The following ZCCHC14 variants were observed in gnomAD, a reference collection of about 807,000 sequenced individuals.
The protein encoded by ZCCHC14 is zinc finger CCHC-type containing 14.
A neutral mutation model predicts 85.0 loss-of-function variants in ZCCHC14; 16 were observed. That is an observed-to-expected ratio of 0.19 (90% confidence interval 0.13 to 0.29). The LOEUF is 0.29. Ranked by LOEUF, ZCCHC14 falls within the 10% of genes least tolerant of loss-of-function variation. The pLI is 1.00. For synonymous variants in ZCCHC14, 775 were observed against 630.7 expected (o/e 1.23, Z -3.43); for missense variants, 1,303 against 1,443.5 (o/e 0.90, Z 1.58).
Position 87,492,293 on chromosome 16 carries a change from G to C in ZCCHC14, c.-55C>G, listed in dbSNP as rs917240350. 7.5e-6 allele frequency: 7 copies of C among 934,148 alleles called. No individual in the cohort carries two copies. The highest frequency in any genetic ancestry group is 5.5e-4 in the Middle Eastern group (1 of 1,814). The allele number at this position is 934,148 out of a possible 1,614,324, so 57.9% of individuals were successfully genotyped here. A position where few individuals can be genotyped will look rare whatever the true frequency, so the allele number is the denominator to read the frequency against. On this transcript the variant is annotated 5_prime_UTR_variant, in exon 1 of 13. Coordinates refer to ENST00000671377, the MANE Select transcript of ZCCHC14 (RefSeq NM_015144.3). The surrounding 1 kb of genome is among the most constrained non-coding windows in gnomAD (Gnocchi z 6.7). ...GGCCGGGGACCGCGCGGGGGCGGCC[G>C]GGGGGCGCCGGGGGCCGCGGCCGGG...
At chr16:87,444,491 T>G (rs931882602) in intron 2 of ZCCHC14, among the ~76,000 whole-genome samples, 5 of 152,180 alleles carry the variant, frequency 3.3e-5, no homozygotes, top group African/African-American at 1.2e-4. Flanking sequence ...ACTATTTATC[T>G]AGTTAGAAAG....
intron 1 of ZCCHC14, among the ~76,000 whole-genome samples, chr16:87,461,845 C>A (rs1911274743): frequency 6.6e-6 from 1 of 152,248 alleles, no homozygotes; most frequent in Non-Finnish European, 1.5e-5. Flanking sequence ...ATGCCCCTGC[C>A]CCCCAGCAAG....
chr16:87,423,991 T>G, intron 3 of ZCCHC14, 110 bp from the exon 4 acceptor site: 1 of 1,154,820 alleles, frequency 8.7e-7, no homozygotes, highest in East Asian at 2.6e-5. Flanking sequence ...CTGAGCCCAG[T>G]GGGCCGTGCA....
At chr16:87,430,992 T>C (rs967122443) in intron 3 of ZCCHC14, among the ~76,000 whole-genome samples, 3 of 151,556 alleles carry the variant, frequency 2.0e-5, no homozygotes, top group African/African-American at 7.3e-5. Flanking sequence ...TACAAAAAAT[T>C]AGCTGGGTAT....
rs1034094541 is a variant in ZCCHC14, at chr16:87,426,251, G to A, written c.769-2370C>T. 2.6e-5 allele frequency among the ~76,000 whole-genome samples: 4 copies of A among 152,224 alleles called. No homozygotes were observed. The East Asian group carries it at 7.7e-4, about 29-fold the overall frequency. On this transcript the variant is annotated intron_variant, in intron 3 of 12. Coordinates refer to ENST00000671377, the MANE Select transcript of ZCCHC14 (RefSeq NM_015144.3). ...GGGGAACCGGCCGTTAGAGGGGCATGGGGGCGGGAAGAGCATCCTCTTGTC... is the reference window on the plus strand; with the variant it reads ...GGGGAACCGGCCGTTAGAGGGGCATAGGGGCGGGAAGAGCATCCTCTTGTC...
intron 12 of ZCCHC14, chr16:87,411,269 C>G (rs1486822346): frequency 8.9e-7 from 1 of 1,127,224 alleles, no homozygotes; most frequent in African/African-American, 1.6e-5. Flanking sequence ...CCAGGGAGGC[C>G]CTGTCCACAC....
At chr16:87,431,987 G>A (rs995213595) in intron 3 of ZCCHC14, among the ~76,000 whole-genome samples, 6 of 152,206 alleles carry the variant, frequency 3.9e-5, no homozygotes, top group African/African-American at 1.4e-4. Context: ...AATGAAAAAC[G>A]CACAGCGTAA....
chr16:87,406,527 G>A lies in ZCCHC14; in HGVS notation c.*3753C>T, dbSNP rs1908209343. On this transcript the variant is annotated 3_prime_UTR_variant, in exon 13 of 13. Transcript: ENST00000671377. The stretch of plus-strand genomic sequence containing the variant: ...TCCTTCATTCCTAAAAAGAAAATAT[G>A]TCCAATAGAAGCTGTGAAGGTATCG... The A allele has an allele frequency of 6.6e-6, 1 of 152,544 alleles. No individual in the cohort carries two copies. The highest frequency in any genetic ancestry group is 1.5e-5 in the Non-Finnish European group (1 of 68,036). The allele number at this position is 152,544 out of a possible 1,614,324, so 9.4% of individuals were successfully genotyped here.
chr16:87,488,453 T>G (rs1237005317), intron 1 of ZCCHC14, among the ~76,000 whole-genome samples: 1 of 152,172 alleles, frequency 6.6e-6, no homozygotes, highest in Non-Finnish European at 1.5e-5. Flanking sequence ...TATGTCTACT[T>G]TGTACTCCCC....
rs558342006 is a variant in ZCCHC14 at position 87,408,724 on chromosome 16, G to C, written c.*1556C>G. On this transcript the variant is annotated 3_prime_UTR_variant, in exon 13 of 13. Transcript: ENST00000671377. ...TCTGCTTTAGTTTCTATGAAGTTAG[G>C]AACTGCTCTTCAAATTGAACGCTCA... 33 of 152,488 alleles carry C rather than the reference G, an allele frequency of 2.2e-4. No individual in the cohort carries two copies. The South Asian group carries it at 5.6e-3, about 26-fold the overall frequency. The allele number at this position is 152,488 out of a possible 1,614,324, so 9.4% of individuals were successfully genotyped here.
At chr16:87,419,955 T>A in intron 5 of ZCCHC14, 78 bp from the exon 6 acceptor site, 1 of 1,275,822 alleles carries the variant, frequency 7.8e-7, no homozygotes, top group Non-Finnish European at 1.1e-6. Context: ...AATTTAACTT[T>A]TAATCAAGAG....
At chr16:87,413,270 G>T (rs946916578) in intron 10 of ZCCHC14, 75 bp from the exon 11 acceptor site, 2 of 1,444,284 alleles carry the variant, frequency 1.4e-6, no homozygotes, top group Non-Finnish European at 1.8e-6. Context: ...CCCCTGCATC[G>T]CACTGTCGGC....
intron 3 of ZCCHC14, among the ~76,000 whole-genome samples, chr16:87,428,333 A>G (rs1178824361): frequency 6.6e-6 from 1 of 152,210 alleles, no homozygotes; most frequent in East Asian, 1.9e-4. Context: ...TTTTAGAAAA[A>G]AACGTTTCTT....
chr16:87,460,128 T>C lies in ZCCHC14; in HGVS notation c.574A>G (p.Thr192Ala). The change falls in exon 2 of 13, where the codon ACT (threonine) becomes GCT (alanine). Residue 192 changes from threonine to alanine, a missense_variant. Around this residue, in one of 7 missense-constraint regions of ZCCHC14, gnomAD observed 389 missense variants for 397.8 expected, o/e 0.98. Transcript: ENST00000671377. ...CTGACAGGGGCCTCAGTTCTTGGAG[T>C]GATCTGAGGGAACAGAAACAGAATC... ...LPTCPACHKI[T>A]PRTEAPVSSV... 6.2e-7 allele frequency: 1 copy of C among 1,613,660 alleles called. No homozygotes were observed.
chr16:87,411,792 G>A lies in ZCCHC14; in HGVS notation c.2929C>T (p.Gln977Ter), dbSNP rs765755827. ...MCSSGYVSAQQYGGGSTFPVV... is the reference protein window; with the variant it reads ...MCSSGYVSAQ ...GGGAAGGTGGAGCCGCCGCCGTACT[G>A]CTGGGCGCTGACGTAGCCGCTGCTG... Residue 977 changes from glutamine to a stop codon, truncating the protein, a stop_gained, in exon 12 of 13, where the codon CAG (glutamine) becomes TAG (stop). Transcript: ENST00000671377. LOFTEE classifies it high-confidence loss of function. 6.2e-7 allele frequency: 1 copy of A among 1,611,232 alleles called. No individual in the cohort carries two copies. The highest frequency in any genetic ancestry group is 8.5e-7 in the Non-Finnish European group (1 of 1,178,588).
chr16:87,477,740 C>G (rs1912084907), intron 1 of ZCCHC14, among the ~76,000 whole-genome samples: 1 of 152,204 alleles, frequency 6.6e-6, no homozygotes, highest in Admixed American at 6.5e-5. Context: ...CAGCCTCCTG[C>G]ACCTGGGGAA....
chr16:87,483,530 C>CT (rs1409424116), intron 1 of ZCCHC14, among the ~76,000 whole-genome samples: 2 of 151,890 alleles, frequency 1.3e-5, no homozygotes, highest in Non-Finnish European at 2.9e-5. Flanking sequence ...ACCAACAACT[C>CT]AACAGAGATG....
At chr16:87,413,233 G>GC in intron 10 of ZCCHC14, 38 bp from the exon 11 acceptor site, 1 of 1,483,898 alleles carries the variant, frequency 6.7e-7, no homozygotes, top group South Asian at 1.3e-5. Context: ...ATCAACTAGC[G>GC]CCCCTGCAGG....
At chr16:87,441,153 C>A (rs1242160485) in intron 2 of ZCCHC14, among the ~76,000 whole-genome samples, 1 of 152,086 alleles carries the variant, frequency 6.6e-6, no homozygotes, top group South Asian at 2.1e-4. Context: ...CCACCACGCC[C>A]AGCTAATTTT....
Sources: allele counts gnomAD v4.1 joint callset (sites outside exome capture counted in the v4.1 genomes callset), GRCh38; gene constraint gnomAD v4.1.1; regional missense constraint gnomAD v4.1.1; non-coding constraint Gnocchi (gnomAD v3.1); transcripts MANE v1.5; gene names NCBI Gene and HGNC (gene_info 2026-07-23, HGNC 2026-07-21).